The following TBC1D19 variants were observed in gnomAD, a reference collection of about 807,000 sequenced individuals.
TBC1D19 encodes TBC1 domain family, member 19.
TBC1D19 carries 60 observed loss-of-function variants against 89.0 expected under a neutral mutation model. The observed-to-expected ratio is 0.67, with a 90% CI of 0.55 to 0.84. The LOEUF is 0.84. Among genes scored for constraint, TBC1D19 ranks in the 40% least tolerant of loss-of-function variants. The probability of loss-of-function intolerance (pLI) is 0.00; values close to 1 mark genes in which losing one functional copy is unlikely to be tolerated. For missense variants in TBC1D19, 500 were observed against 610.8 expected (o/e 0.82, Z 1.91); for synonymous variants, 189 against 199.7 (o/e 0.95, Z 0.45).
chr4:26,683,392 C>T (rs979435403), intron 11 of TBC1D19, among the ~76,000 whole-genome samples: 3 of 152,020 alleles, frequency 2.0e-5, no homozygotes, highest in South Asian at 2.1e-4. Context: ...GTGCCTGGCA[C>T]CTGTAAGTAC....
intron 15 of TBC1D19, among the ~76,000 whole-genome samples, chr4:26,728,086 ATTAAAAGTGCCTTG>A (rs1309980571): frequency 6.6e-6 from 1 of 152,218 alleles, no homozygotes; most frequent in African/African-American, 2.4e-5. Context: ...AAGCTTTCTT[ATTAAAAGTGCCTTG>A]TCCTGACTAG....
downstream of TBC1D19, among the ~76,000 whole-genome samples, chr4:26,759,707 T>A (rs553075762): frequency 6.6e-6 from 1 of 152,336 alleles, no homozygotes; most frequent in East Asian, 1.9e-4. Context: ...TTCACGTAAA[T>A]GGAATCATCC....
At chr4:26,670,656 C>T (rs544337294) in intron 9 of TBC1D19, among the ~76,000 whole-genome samples, 22 of 151,786 alleles carry the variant, frequency 1.4e-4, no homozygotes, top group South Asian at 4.2e-4. Flanking sequence ...AACACACTTG[C>T]GTAACCTCCA....
chr4:26,858,729 G>A, the TBC1D19 span: 1 of 152,224 alleles, frequency 6.6e-6, no homozygotes, highest in Non-Finnish European at 1.5e-5. Flanking sequence ...CTGCGGTGGA[G>A]GGTTTATTCC....
chr4:26,729,827 C>G (rs1369355813), intron 15 of TBC1D19, among the ~76,000 whole-genome samples: 1 of 152,078 alleles, frequency 6.6e-6, no homozygotes, highest in African/African-American at 2.4e-5. Context: ...TCTATAAATA[C>G]AGGGACAATG....
At chr4:26,831,595 T>C in the TBC1D19 span, among the ~76,000 whole-genome samples, 1 of 143,464 alleles carries the variant, frequency 7.0e-6, no homozygotes, top group African/African-American at 2.8e-5. Flanking sequence ...TTTTTTCTTT[T>C]TTTTTTTTTG....
chr4:26,847,485 C>T, the TBC1D19 span, among the ~76,000 whole-genome samples: 1 of 152,010 alleles, frequency 6.6e-6, no homozygotes, highest in African/African-American at 2.4e-5. Flanking sequence ...ATGCAAAGTC[C>T]CTGAGGAAAG....
chr4:26,614,531 A>G (rs1311028636), intron 3 of TBC1D19, 78 bp downstream of exon 3: 2 of 889,478 alleles, frequency 2.2e-6, no homozygotes, highest in Non-Finnish European at 1.7e-6. Context: ...CAGTATTGTT[A>G]TATATACTTG....
intron 13 of TBC1D19, among the ~76,000 whole-genome samples, chr4:26,712,095 A>G (rs1716234015): frequency 6.6e-6 from 1 of 152,078 alleles, no homozygotes; most frequent in South Asian, 2.1e-4. Flanking sequence ...AGTTAATACA[A>G]ATGTTTCTTT....
rs548675854 is a variant in TBC1D19, at chr4:26,681,557, A to AT, written c.817-2118_817-2117insT. On this transcript the variant is annotated intron_variant, in intron 11 of 20. Transcript: ENST00000264866. ...CAGAGTGAGACGCCGTCTCAAAAAA[A>AT]ATATATATATATACAGCCTTCAGTC... Among the ~76,000 whole-genome samples, 530 of 151,716 alleles carry AT rather than the reference A, an allele frequency of 3.5e-3. 4 individuals are homozygous for AT. The highest frequency in any genetic ancestry group is 0.012 in the African/African-American group (491 of 41,392).
chr4:26,694,519 G>A (rs183978150), intron 13 of TBC1D19, among the ~76,000 whole-genome samples: 10 of 152,284 alleles, frequency 6.6e-5, no homozygotes, highest in Non-Finnish European at 1.2e-4. Context: ...AGACTTAAAC[G>A]TCCCTGTTCG....
At chr4:26,610,952 G>A (rs971764160) in intron 1 of TBC1D19, among the ~76,000 whole-genome samples, 10 of 152,024 alleles carry the variant, frequency 6.6e-5, no homozygotes, top group African/African-American at 2.2e-4. Context: ...ATATTCCTTT[G>A]GATATATACC....
intron 13 of TBC1D19, among the ~76,000 whole-genome samples, chr4:26,707,177 T>C (rs9759852): frequency 0.98 from 149,762 of 152,112 alleles, 73,766 homozygotes; most frequent in East Asian, 1. Context: ...CTATATCTCC[T>C]TTCATTTTTT....
At chr4:26,783,689 A>T in the TBC1D19 span, among the ~76,000 whole-genome samples, 2 of 152,218 alleles carry the variant, frequency 1.3e-5, no homozygotes, top group Non-Finnish European at 2.9e-5. Context: ...AAGATTGGCA[A>T]TACAGTGTCA....
At chr4:26,834,619 G>A in the TBC1D19 span, among the ~76,000 whole-genome samples, 6 of 152,060 alleles carry the variant, frequency 3.9e-5, no homozygotes, top group African/African-American at 1.4e-4. Context: ...AAGTGGAGAT[G>A]GGAGACTCTG....
chr4:26,627,312 T>C (rs368926892), intron 4 of TBC1D19, among the ~76,000 whole-genome samples: 5 of 152,118 alleles, frequency 3.3e-5, no homozygotes, highest in Non-Finnish European at 4.4e-5. Context: ...GGGTTGGTTC[T>C]AAGTCTTTGC....
the TBC1D19 span, among the ~76,000 whole-genome samples, chr4:26,843,492 C>T: frequency 5.3e-5 from 8 of 151,754 alleles, no homozygotes; most frequent in African/African-American, 1.9e-4. Flanking sequence ...GCATTGACAT[C>T]GGAGACCATT....
chr4:26,852,714 G>A, the TBC1D19 span, among the ~76,000 whole-genome samples: 3 of 151,744 alleles, frequency 2.0e-5, no homozygotes, highest in Non-Finnish European at 4.4e-5. Flanking sequence ...CTGCCTCCCG[G>A]GTTCACACCA....
chr4:26,741,627 CCTT>C (rs937395086), intron 17 of TBC1D19, among the ~76,000 whole-genome samples: 3 of 149,912 alleles, frequency 2.0e-5, no homozygotes, highest in Non-Finnish European at 4.4e-5. Context: ...CTGCCTCTGT[CCTT>C]TTTTTTTTTT....
Sources: allele counts gnomAD v4.1 joint callset (sites outside exome capture counted in the v4.1 genomes callset), GRCh38; gene constraint gnomAD v4.1.1; transcripts MANE v1.5; gene names NCBI Gene and HGNC (gene_info 2026-07-23, HGNC 2026-07-21).